The following TRIM38 variants were observed in gnomAD, a reference collection of about 807,000 sequenced individuals.
TRIM38 encodes the protein E3 ubiquitin-protein ligase TRIM38.
Under a neutral mutation model 35.8 loss-of-function variants are expected in TRIM38, and 35 were observed. The observed-to-expected ratio is 0.98, with a 90% confidence interval of 0.75 to 1.30. The LOEUF is 1.30. Among genes scored for constraint, TRIM38 ranks in the 50% most tolerant of loss-of-function variants. The pLI, the probability that TRIM38 is intolerant of heterozygous loss-of-function variation, is 0.00. For synonymous variants in TRIM38, 198 were observed against 204.7 expected (o/e 0.97, Z 0.28); for missense variants, 545 against 556.9 (o/e 0.98, Z 0.21).
rs373694907 is a variant in TRIM38, at chr6:25,966,593, C to T, written c.71C>T (p.Thr24Met). 2.2e-5 allele frequency: 36 copies of T among 1,614,000 alleles called. No homozygotes were observed. Among genetic ancestry groups the T allele is most frequent in the African/African-American group, 1.3e-4 (10 of 74,890 alleles). Residue 24 changes from threonine to methionine, a missense_variant, in exon 3 of 8, where the codon ACG (threonine) becomes ATG (methionine). Thr to Met is a moderately conservative substitution (Grantham distance 81). Transcript: ENST00000357085. ...ATCSICLSLM[T>M]NPVSINCGHS... is the part of the protein sequence containing the mutation. ...TGCTCCATCTGCCTGAGCCTGATGA[C>T]GAACCCAGTAAGCATCAACTGTGGA...
intron 3 of TRIM38, among the ~76,000 whole-genome samples, chr6:25,967,548 T>TA (rs1760097573): frequency 1.6e-5 from 1 of 63,202 alleles, no homozygotes; most frequent in Non-Finnish European, 3.5e-5. Flanking sequence ...TTTTTTTTTT[T>TA]TTCCTGAGGT....
intron 3 of TRIM38, among the ~76,000 whole-genome samples, chr6:25,968,261 G>T (rs1455986338): frequency 6.6e-6 from 1 of 152,138 alleles, no homozygotes; most frequent in Non-Finnish European, 1.5e-5. Flanking sequence ...CCATGGAGCA[G>T]CTAATAACTG....
In TRIM38 at chr6:25,966,897, C is replaced by T. The variant is rs765902547; in HGVS notation, c.375C>T (p.Thr125=). The T allele has an allele frequency of 1.6e-5, 26 of 1,612,158 alleles. No individual in the cohort carries two copies. The Admixed American group carries it at 2.8e-4, about 18-fold the overall frequency. ...CERAPQHKGH[T]TALVEDVCQG... is the part of the protein sequence containing the mutation. ...GGGCACCACAGCACAAAGGGCACAC[C>T]ACAGCTCTTGTTGAAGACGTATGCC... Residue 125 remains threonine (T), a synonymous_variant, in exon 3 of 8, where the codon ACC becomes ACT. Transcript: ENST00000357085.
Position 25,987,206 on chromosome 6 carries a change from G to GCCCCCCCCCCCCCC in TRIM38, c.*3525_*3526insCCCCCCCCCCCCCC, listed in dbSNP as rs1377807409. On this transcript the variant is annotated 3_prime_UTR_variant, in exon 8 of 8. Transcript: ENST00000357085. The stretch of plus-strand genomic sequence containing the variant: ...TAAAAGCTTAACAAAGGTACTCCCC[G>GCCCCCCCCCCCCCC]CCCCCCGCCCGCCACACACCATCCC... The GCCCCCCCCCCCCCC allele has an allele frequency of 1.3e-5, 1 of 76,472 alleles. No individual in the cohort carries two copies. The highest frequency in any genetic ancestry group is 4.7e-5 in the African/African-American group (1 of 21,140). The allele number at this position is 76,472 out of a possible 1,614,324, so 4.7% of individuals were successfully genotyped here.
At chr6:25,983,141 G>A in intron 7 of TRIM38, 23 bp from the exon 8 acceptor site, 1 of 1,534,310 alleles carries the variant, frequency 6.5e-7, no homozygotes, top group Non-Finnish European at 8.7e-7. Context: ...AATTATTTTT[G>A]TTTGTTTTGT....
chr6:25,989,409 T>G lies in TRIM38; in HGVS notation c.*5722T>G, dbSNP rs943303657. On this transcript the variant is annotated 3_prime_UTR_variant, in exon 8 of 8. Coordinates refer to ENST00000357085, the MANE Select transcript of TRIM38 (RefSeq NM_006355.5). ...AAGAAATGCACCCAAAGTATTAATT[T>G]GGCAATCTCATATCACGAGAGTACT... The G allele has an allele frequency of 1.3e-5, 2 of 152,194 alleles. No individual in the cohort carries two copies. Among genetic ancestry groups the G allele is most frequent in the African/African-American group, 4.8e-5 (2 of 41,464 alleles). 9.4% of individuals were successfully genotyped at this position (152,194 alleles called of 1,614,324 possible). A position where few individuals can be genotyped will look rare whatever the true frequency, so the allele number is the denominator to read the frequency against.
chr6:25,977,950 C>A (rs1581606932), intron 7 of TRIM38, among the ~76,000 whole-genome samples: 1 of 152,028 alleles, frequency 6.6e-6, no homozygotes, highest in African/African-American at 2.4e-5. Context: ...CAGTCAACAA[C>A]AACATTGCAT....
rs562003381 is a variant in TRIM38, at chr6:25,988,902, A to T, written c.*5215A>T. 2 of 152,202 alleles carry T rather than the reference A, an allele frequency of 1.3e-5. No homozygotes were observed. The highest frequency in any genetic ancestry group is 2.1e-4 in the South Asian group (1 of 4,828). 9.4% of individuals were successfully genotyped at this position (152,202 alleles called of 1,614,324 possible). On this transcript the variant is annotated 3_prime_UTR_variant, in exon 8 of 8. Coordinates refer to ENST00000357085, the MANE Select transcript of TRIM38 (RefSeq NM_006355.5). The stretch of plus-strand genomic sequence containing the variant: ...GTTTTTGTGTGGAGATAAGTTTTCA[A>T]TTCCTTTGGATAAATACTAAGGAGT...
rs138951177 is a variant in TRIM38 at position 25,983,231 on chromosome 6, G to A, written c.942G>A (p.Val314=). 3.7e-6 allele frequency: 6 copies of A among 1,613,916 alleles called. No individual in the cohort carries two copies. The highest frequency in any genetic ancestry group is 5.1e-6 in the Non-Finnish European group (6 of 1,179,950). Residue 314 remains valine, a synonymous_variant, in exon 8 of 8, where the codon GTG becomes GTA. Coordinates refer to ENST00000357085, the MANE Select transcript of TRIM38 (RefSeq NM_006355.5). ...ELILSEDRRQ[V]TRGYTQENQD... is the part of the protein sequence containing the mutation. Reference sequence around the variant, plus strand: ...TTCTCTCTGAGGATCGGAGACAAGTGACTCGTGGATACACCCAGGAGAATC... The same window carrying A: ...TTCTCTCTGAGGATCGGAGACAAGTAACTCGTGGATACACCCAGGAGAATC...
At chr6:25,975,551 G>A in intron 7 of TRIM38, 1 of 915,334 alleles carries the variant, frequency 1.1e-6, no homozygotes, top group Non-Finnish European at 1.3e-6. Flanking sequence ...TTAAATGTAT[G>A]TTTATTTTAT....
At chr6:25,963,697 T>G (rs1175600124) in intron 2 of TRIM38, among the ~76,000 whole-genome samples, 4 of 152,190 alleles carry the variant, frequency 2.6e-5, no homozygotes, top group Non-Finnish European at 5.9e-5. Flanking sequence ...TTTCCAATTC[T>G]TATTCCCTCA....
chr6:25,978,723 C>A (rs544212472), intron 7 of TRIM38, among the ~76,000 whole-genome samples: 1 of 152,140 alleles, frequency 6.6e-6, no homozygotes, highest in East Asian at 1.9e-4. Context: ...CTGGAGTGCA[C>A]TGGCGCAATC....
At chr6:25,973,923 CA>C in intron 7 of TRIM38, 6 of 956,850 alleles carry the variant, frequency 6.3e-6, no homozygotes, top group Non-Finnish European at 7.5e-6. Flanking sequence ...AGTACAAAAT[CA>C]AAAAAACCCC....
At position 25,989,678 on chromosome 6, in the gene TRIM38, T is replaced by C. The variant is rs1394849395; in HGVS notation, c.*5991T>C. 2.0e-5 allele frequency: 3 copies of C among 152,006 alleles called. No homozygotes were observed. The highest frequency in any genetic ancestry group is 7.2e-5 in the African/African-American group (3 of 41,430). 9.4% of individuals were successfully genotyped at this position (152,006 alleles called of 1,614,324 possible). A position where few individuals can be genotyped will look rare whatever the true frequency, so the allele number is the denominator to read the frequency against. ...CATCTGGTATTCTTTAGCAACTGTT[T>C]GGTAACTTAATCTTTCACTTTTTGA... On this transcript the variant is annotated 3_prime_UTR_variant, in exon 8 of 8. Transcript: ENST00000357085.
rs567139651 is a variant in TRIM38, at chr6:25,977,368, C to A, written c.874+4083C>A. ...ACCCAGCCTGGGCAACAGAGCTAGA[C>A]CCTGTCTATTAAAGGAGGAGGCCGG... On this transcript the variant is annotated intron_variant, in intron 7 of 7. Coordinates refer to ENST00000357085, the MANE Select transcript of TRIM38 (RefSeq NM_006355.5). Among the ~76,000 whole-genome samples, 80 of 152,262 alleles carry A rather than the reference C, an allele frequency of 5.3e-4. 1 individual carries two copies. Among genetic ancestry groups the A allele is most frequent in the Admixed American group, 8.5e-4 (13 of 15,288 alleles).
chr6:25,971,414 T>TTGTG (rs138576201), intron 4 of TRIM38, among the ~76,000 whole-genome samples: 1 of 151,492 alleles, frequency 6.6e-6, no homozygotes, highest in Admixed American at 6.6e-5. Flanking sequence ...CAGTGGCTGA[T>TTGTG]TGTGTGTGTG....
chr6:25,974,989 A>G, intron 7 of TRIM38: 2 of 984,876 alleles, frequency 2.0e-6, no homozygotes, highest in Non-Finnish European at 2.4e-6. Flanking sequence ...TTACAGAAGG[A>G]ATCATAATAT....
intron 2 of TRIM38, 67 bp from the exon 3 acceptor site, chr6:25,966,268 C>T (rs1027811957): frequency 3.9e-5 from 16 of 412,948 alleles, no homozygotes; most frequent in African/African-American, 3.3e-4. Context: ...CAACTTGAAA[C>T]TCTGCACTTG....
At chr6:25,980,969 A>G (rs766559864) in intron 7 of TRIM38, among the ~76,000 whole-genome samples, 6 of 152,208 alleles carry the variant, frequency 3.9e-5, no homozygotes, top group Non-Finnish European at 8.8e-5. Flanking sequence ...TATGAATTGA[A>G]ACCCCAAACT....
Sources: allele counts gnomAD v4.1 joint callset (sites outside exome capture counted in the v4.1 genomes callset), GRCh38; gene constraint gnomAD v4.1.1; transcripts MANE v1.5; gene names NCBI Gene and HGNC (gene_info 2026-07-23, HGNC 2026-07-21).